NDUFA5: variants seen among roughly 807,000 people sequenced by gnomAD.
NDUFA5 encodes NADH:ubiquinone oxidoreductase subunit A5, also known as NADH dehydrogenase [ubiquinone] 1 alpha subcomplex subunit 5.
NDUFA5 carries 11 observed loss-of-function variants against 19.8 expected under a neutral mutation model. That is an observed-to-expected ratio of 0.56 (90% CI 0.35 to 0.92). NDUFA5 has a LOEUF of 0.92. Among genes scored for constraint, NDUFA5 ranks in the 40% least tolerant of loss-of-function variants. The probability of loss-of-function intolerance (pLI) is 0.01; values close to 1 mark genes in which losing one functional copy is unlikely to be tolerated. For synonymous variants in NDUFA5, 47 were observed against 46.8 expected, an observed-to-expected ratio of 1.00 and a Z score of -0.01; for missense variants, 109 against 134.2, an observed-to-expected ratio of 0.81 and a Z score of 0.93.
chr7:123,569,915 A>G, the NDUFA5 span, among the ~76,000 whole-genome samples: 1 of 152,324 alleles, frequency 6.6e-6, no homozygotes, highest in South Asian at 2.1e-4. Context: ...GACAATTAGA[A>G]GTTAGAAGCA....
the NDUFA5 span, among the ~76,000 whole-genome samples, chr7:123,577,134 T>C: frequency 6.6e-6 from 1 of 152,214 alleles, no homozygotes; most frequent in Non-Finnish European, 1.5e-5. Flanking sequence ...GTCTTTTTCA[T>C]ATTATTTGTA....
At chr7:123,575,586 A>G in the NDUFA5 span, among the ~76,000 whole-genome samples, 2,078 of 152,098 alleles carry the variant, frequency 0.014, 21 homozygotes, top group Middle Eastern at 0.027. Context: ...AATATTTTCA[A>G]TGTTCCCTAC....
At chr7:123,592,799 G>A in the NDUFA5 span, among the ~76,000 whole-genome samples, 4 of 150,180 alleles carry the variant, frequency 2.7e-5, no homozygotes, top group Admixed American at 2.0e-4. Context: ...TGTGCATTAC[G>A]TCTGAATTCA....
At chr7:123,558,252 G>A, upstream of NDUFA5, 1 of 187,316 alleles carries the variant, frequency 5.3e-6, no homozygotes, top group Non-Finnish European at 1.1e-5. Context: ...TTAGTTCTTC[G>A]CACAAGGATA....
chr7:123,550,578 T>C lies in NDUFA5; in HGVS notation c.75A>G (p.Arg25=), dbSNP rs765608986. The part of the protein sequence containing the change: ...AVCNTPHERL[R]ILYTKILDVL... ...CATCAAGAATCTTTGTGTACAATATTCTTAGCCTCTGAAAAGACAAACCAT... is the reference window on the plus strand; with the variant it reads ...CATCAAGAATCTTTGTGTACAATATCCTTAGCCTCTGAAAAGACAAACCAT... Residue 25 remains arginine, a synonymous_variant, in exon 3 of 5, where the codon AGA becomes AGG. Coordinates refer to ENST00000355749, the MANE Select transcript of NDUFA5 (RefSeq NM_005000.5). 2.5e-6 allele frequency: 4 copies of C among 1,589,182 alleles called. No individual in the cohort carries two copies. In the East Asian group the frequency reaches 6.7e-5, roughly 27 times the overall value.
At chr7:123,572,131 C>CT in the NDUFA5 span, among the ~76,000 whole-genome samples, 2,376 of 48,170 alleles carry the variant, frequency 0.049, 511 homozygotes, top group African/African-American at 0.074. Flanking sequence ...TGTAGAATTT[C>CT]TTTTTTTTTT....
chr7:123,577,511 TTTAA>T, the NDUFA5 span, among the ~76,000 whole-genome samples: 1 of 152,288 alleles, frequency 6.6e-6, no homozygotes, highest in South Asian at 2.1e-4. Context: ...TCAGATCGAC[TTTAA>T]TTAATTTCAT....
At chr7:123,594,660 G>A in the NDUFA5 span, among the ~76,000 whole-genome samples, 5 of 152,102 alleles carry the variant, frequency 3.3e-5, no homozygotes, top group Admixed American at 6.5e-5. Context: ...TGGAAGCTTC[G>A]TCCCAGAGGG....
At chr7:123,577,206 C>T in the NDUFA5 span, among the ~76,000 whole-genome samples, 1 of 151,998 alleles carries the variant, frequency 6.6e-6, no homozygotes, top group Non-Finnish European at 1.5e-5. Context: ...TGATATCTTC[C>T]ATTGTTGAGT....
the NDUFA5 span, among the ~76,000 whole-genome samples, chr7:123,589,790 G>A: frequency 6.6e-6 from 1 of 152,128 alleles, no homozygotes; most frequent in African/African-American, 2.4e-5. Context: ...ATGTGTGCAT[G>A]TGTCTTTATA....
At chr7:123,563,135 G>A in the NDUFA5 span, among the ~76,000 whole-genome samples, 3 of 152,046 alleles carry the variant, frequency 2.0e-5, no homozygotes, top group Admixed American at 6.6e-5. Flanking sequence ...TGTTAACAGA[G>A]TAGCACTTTT....
chr7:123,589,502 G>A, the NDUFA5 span, among the ~76,000 whole-genome samples: 1 of 151,874 alleles, frequency 6.6e-6, no homozygotes, highest in African/African-American at 2.4e-5. Flanking sequence ...CCTGGTGTGT[G>A]ATGTTCCCTT....
the NDUFA5 span, among the ~76,000 whole-genome samples, chr7:123,593,573 T>C: frequency 6.6e-6 from 1 of 152,194 alleles, no homozygotes; most frequent in South Asian, 2.1e-4. Context: ...GAAAATTCTT[T>C]TTTTTTCTTT....
the NDUFA5 span, among the ~76,000 whole-genome samples, chr7:123,572,420 C>A: frequency 6.6e-6 from 1 of 151,688 alleles, no homozygotes; most frequent in African/African-American, 2.4e-5. Flanking sequence ...ATTACAGGCA[C>A]GAGCCACCAC....
At chr7:123,558,962 A>G (rs1798649313), upstream of NDUFA5, among the ~76,000 whole-genome samples, 1 of 152,162 alleles carries the variant, frequency 6.6e-6, no homozygotes, top group Non-Finnish European at 1.5e-5. Flanking sequence ...AGCAAACAGA[A>G]GAAAGGAAAT....
intron 2 of NDUFA5, chr7:123,556,533 G>GA (rs1022900867): frequency 4.7e-5 from 8 of 169,476 alleles, no homozygotes; most frequent in African/African-American, 1.5e-4. Context: ...AGAGTAGGGG[G>GA]AAAAAATCAG....
chr7:123,598,409 A>T, the NDUFA5 span, among the ~76,000 whole-genome samples: 5 of 152,206 alleles, frequency 3.3e-5, no homozygotes, highest in Non-Finnish European at 7.3e-5. Flanking sequence ...AGACTAAGAT[A>T]CATATTCTCT....
intron 2 of NDUFA5, 93 bp from the exon 3 acceptor site, chr7:123,550,679 A>T: frequency 1.5e-6 from 1 of 681,752 alleles, no homozygotes; most frequent in Non-Finnish European, 2.4e-6. Flanking sequence ...AACAAAACTC[A>T]CATCTGTTTT....
At chr7:123,589,814 C>T in the NDUFA5 span, among the ~76,000 whole-genome samples, 11 of 151,870 alleles carry the variant, frequency 7.2e-5, no homozygotes, top group African/African-American at 2.4e-4. Flanking sequence ...GCATGATATA[C>T]AATCATTCGG....
Sources: gnomAD v4.1 joint callset for allele counts (sites outside exome capture counted in the v4.1 genomes callset) on GRCh38, gnomAD v4.1.1 for gene constraint, MANE v1.5 for transcripts, NCBI Gene and HGNC (gene_info 2026-07-23, HGNC 2026-07-21) for gene names.